The following USP45 variants were observed in gnomAD, a reference collection of about 807,000 sequenced individuals.
The protein encoded by USP45 is ubiquitin specific peptidase 45.
A neutral mutation model predicts 95.8 loss-of-function variants in USP45; 89 were observed. The ratio of observed to expected loss-of-function variants is 0.93; its 90% confidence interval spans 0.78 to 1.11. The LOEUF (loss-of-function observed/expected upper bound fraction) is 1.11, where lower values mean the gene tolerates loss of function less well. Among genes scored for constraint, USP45 ranks in the 50% least tolerant of loss-of-function variants. The pLI, the probability that USP45 is intolerant of heterozygous loss-of-function variation, is 0.00. For synonymous variants in USP45, 281 were observed against 316.2 expected (o/e 0.89, Z 1.18); for missense variants, 898 against 942.5 (o/e 0.95, Z 0.62).
At chr6:99,485,895 C>T (rs1793759987) in intron 7 of USP45, among the ~76,000 whole-genome samples, 1 of 152,138 alleles carries the variant, frequency 6.6e-6, no homozygotes, top group African/African-American at 2.4e-5. Context: ...ATGATCATCT[C>T]AATAGATGTG....
chr6:99,449,557 A>G (rs1783380471), intron 13 of USP45, among the ~76,000 whole-genome samples: 2 of 152,124 alleles, frequency 1.3e-5, no homozygotes, highest in Non-Finnish European at 1.5e-5. Flanking sequence ...CCTACAAAGA[A>G]ACTTAGACTC....
intron 8 of USP45, among the ~76,000 whole-genome samples, chr6:99,479,350 C>G (rs562451964): frequency 1.3e-5 from 2 of 152,024 alleles, no homozygotes; most frequent in Admixed American, 1.3e-4. Flanking sequence ...GCTGGGACTA[C>G]AGGTGTGCAC....
rs770138972 is a variant in USP45 at position 99,439,779 on chromosome 6, G to A, written c.2150C>T (p.Ala717Val). ...LMLDLAPFCS[A>V]TCKNASVGDK... The stretch of plus-strand genomic sequence containing the variant: ...CTTAATATACTGTACCTTACAAGTA[G>A]CAGAGCAGAATGGTGCTAAATCGAG... Residue 717 changes from alanine (A) to valine (V), a missense_variant, in exon 16 of 18, where the codon GCT becomes GTT. Transcript: ENST00000500704. 1 of 1,595,266 alleles carries A rather than the reference G, an allele frequency of 6.3e-7. No individual in the cohort carries two copies. The highest frequency in any genetic ancestry group is 8.5e-7 in the Non-Finnish European group (1 of 1,170,076).
At chr6:99,511,886 T>G (rs9376239) in intron 1 of USP45, among the ~76,000 whole-genome samples, 7 of 142,518 alleles carry the variant, frequency 4.9e-5, no homozygotes, top group African/African-American at 1.5e-4. Context: ...TATATATATA[T>G]ACACATAGTT....
intron 15 of USP45, among the ~76,000 whole-genome samples, chr6:99,440,364 A>G (rs1197607150): frequency 1.3e-5 from 2 of 152,236 alleles, no homozygotes; most frequent in African/African-American, 4.8e-5. Flanking sequence ...GCTATATATT[A>G]CATCAATAAA....
intron 1 of USP45, chr6:99,515,064 T>A (rs891455557): frequency 6.6e-6 from 1 of 152,082 alleles, no homozygotes; most frequent in Non-Finnish European, 1.5e-5. Flanking sequence ...ACCCCGAGGA[T>A]GTGAAGAGAA....
chr6:99,516,324 A>T (rs1191346754), upstream of USP45, among the ~76,000 whole-genome samples: 1 of 152,240 alleles, frequency 6.6e-6, no homozygotes, highest in Non-Finnish European at 1.5e-5. Flanking sequence ...TGGATATTGC[A>T]AATGCCAACA....
At chr6:99,478,940 A>G (rs1276947479) in intron 8 of USP45, among the ~76,000 whole-genome samples, 1 of 152,026 alleles carries the variant, frequency 6.6e-6, no homozygotes, top group Non-Finnish European at 1.5e-5. Context: ...AAGTCAGATA[A>G]AAAAAGAGTA....
At chr6:99,485,175 CAAA>C (rs1190400783) in intron 7 of USP45, among the ~76,000 whole-genome samples, 3 of 88,712 alleles carry the variant, frequency 3.4e-5, no homozygotes, top group South Asian at 3.7e-4. Context: ...ACTAAAAATA[CAAA>C]AAAAAAAAAA....
At chr6:99,484,232 C>T (rs977298735) in intron 7 of USP45, among the ~76,000 whole-genome samples, 1 of 151,094 alleles carries the variant, frequency 6.6e-6, no homozygotes. Context: ...TGCAGTGGTG[C>T]GGTCAGCTCA....
At chr6:99,516,929 C>G (rs1374014305), upstream of USP45, among the ~76,000 whole-genome samples, 3 of 152,072 alleles carry the variant, frequency 2.0e-5, no homozygotes, top group Admixed American at 6.5e-5. Context: ...AATTTAGGTT[C>G]TTTTCTTCAT....
At chr6:99,498,748 G>A (rs1008941185) in intron 5 of USP45, among the ~76,000 whole-genome samples, 6 of 151,958 alleles carry the variant, frequency 3.9e-5, no homozygotes, top group African/African-American at 4.8e-5. Context: ...ATACAATGCC[G>A]TTCTCCAGAG....
chr6:99,491,000 TTTA>T (rs1795050398), intron 5 of USP45, among the ~76,000 whole-genome samples: 2 of 152,254 alleles, frequency 1.3e-5, no homozygotes, highest in Non-Finnish European at 2.9e-5. Flanking sequence ...TCCTGTTTTT[TTTA>T]TTCTTTAAAT....
intron 9 of USP45, among the ~76,000 whole-genome samples, chr6:99,472,559 A>T (rs148598576): frequency 2.6e-5 from 4 of 152,166 alleles, no homozygotes; most frequent in Middle Eastern, 3.4e-3. Context: ...CATGACCACC[A>T]CATAGTAAAC....
chr6:99,437,200 C>T (rs1263821304), intron 17 of USP45, 46 bp downstream of exon 17: 1 of 1,554,204 alleles, frequency 6.4e-7, no homozygotes, highest in Non-Finnish European at 8.7e-7. Context: ...AAAGGAAGCA[C>T]ATATTCGTTT....
At chr6:99,496,819 A>G (rs1049846315) in intron 5 of USP45, among the ~76,000 whole-genome samples, 11 of 151,852 alleles carry the variant, frequency 7.2e-5, no homozygotes, top group African/African-American at 2.7e-4. Flanking sequence ...GCATACGTTA[A>G]TGGGGATTTT....
At chr6:99,491,583 T>C (rs770992718) in intron 5 of USP45, among the ~76,000 whole-genome samples, 2 of 152,324 alleles carry the variant, frequency 1.3e-5, no homozygotes, top group South Asian at 2.1e-4. Flanking sequence ...GGTTAAGTGA[T>C]ATGCCCAAGG....
At position 99,437,312 on chromosome 6, in the gene USP45, A is replaced by T; in HGVS notation, c.2248T>A (p.Tyr750Asn). Reference protein sequence around the residue: ...GSMREGHYTAYVKVRTPSRKL... With the variant: ...GSMREGHYTANVKVRTPSRKL... ...CTGGAGGGTGTTCTCACTTTCACAT[A>T]AGCAGTGTAGTGGCCTTCTCTCATC... Residue 750 changes from tyrosine to asparagine, a missense_variant, in exon 17 of 18, where the codon TAT (tyrosine) becomes AAT (asparagine). Coordinates refer to ENST00000500704, the MANE Select transcript of USP45 (RefSeq NM_001346022.3). 1 of 1,613,946 alleles carries T rather than the reference A, an allele frequency of 6.2e-7. No individual in the cohort carries two copies. Among genetic ancestry groups the T allele is most frequent in the South Asian group, 1.1e-5 (1 of 91,036 alleles).
chr6:99,462,543 T>G, intron 13 of USP45: 1 of 985,410 alleles, frequency 1.0e-6, no homozygotes, highest in Non-Finnish European at 1.2e-6. Flanking sequence ...ATGCTTTGTT[T>G]TATACCATTA....
Sources: gnomAD v4.1 joint callset for allele counts (sites outside exome capture counted in the v4.1 genomes callset) on GRCh38, gnomAD v4.1.1 for gene constraint, MANE v1.5 for transcripts, NCBI Gene and HGNC (gene_info 2026-07-23, HGNC 2026-07-21) for gene names.